DUS2: variants seen among roughly 807,000 people sequenced by gnomAD.
The protein encoded by DUS2 is dihydrouridine synthase 2.
Under a neutral mutation model 71.3 loss-of-function variants are expected in DUS2, and 52 were observed. The observed-to-expected ratio is 0.73, with a 90% CI of 0.58 to 0.92. The LOEUF is 0.92. DUS2 is among the 40% of genes least tolerant of loss of function. DUS2 has a pLI of 0.00. For missense variants in DUS2, 558 were observed against 622.6 expected, an observed-to-expected ratio of 0.90 and a Z score of 1.10; for synonymous variants, 204 against 227.8, an observed-to-expected ratio of 0.90 and a Z score of 0.94.
intron 2 of DUS2, among the ~76,000 whole-genome samples, chr16:68,030,448 G>T (rs2033420504): frequency 6.6e-6 from 1 of 152,020 alleles, no homozygotes; most frequent in South Asian, 2.1e-4. Flanking sequence ...ACAAAAATTG[G>T]CCGGGCATGG....
intron 8 of DUS2, among the ~76,000 whole-genome samples, chr16:68,063,250 A>G (rs1407069826): frequency 2.6e-5 from 4 of 152,214 alleles, no homozygotes; most frequent in Non-Finnish European, 5.9e-5. Context: ...GGCTTCCACA[A>G]CAAAGCCAGA....
chr16:68,070,721 A>G (rs1410670447), intron 11 of DUS2, among the ~76,000 whole-genome samples: 1 of 152,224 alleles, frequency 6.6e-6, no homozygotes, highest in East Asian at 1.9e-4. Flanking sequence ...TGGATTACCT[A>G]TTAAGTGCCA....
In DUS2 at chr16:68,032,621, C is replaced by T. The variant is rs118145535; in HGVS notation, c.-18-5385C>T. 7.8e-3 allele frequency among the ~76,000 whole-genome samples: 1,186 copies of T among 152,316 alleles called. 41 individuals carry two copies. The highest frequency in any genetic ancestry group is 0.062 in the Admixed American group (953 of 15,278). On this transcript the variant is annotated intron_variant, in intron 2 of 16. Coordinates refer to ENST00000565263, the MANE Select transcript of DUS2 (RefSeq NM_017803.5). ...AGTTGGAGGAGTATTCCAGACAGAA[C>T]TGCAAGTGGGCAGGCCCCAGGGAAG...
At chr16:68,023,913 C>G (rs2033299789) in intron 1 of DUS2, 1 of 167,274 alleles carries the variant, frequency 6.0e-6, no homozygotes, top group Admixed American at 6.5e-5. Flanking sequence ...ACCCCTCTTG[C>G]AGCCCGCTCA....
rs1178501824 is a variant in DUS2 at position 68,066,394 on chromosome 16, G to A, written c.483+12G>A. ...GCATCCTGCCATCGGTAAGGATGGT[G>A]TGTTACATATGAAGGTCCATTCTCT... On this transcript the variant is annotated intron_variant, in intron 9 of 16. Transcript: ENST00000565263. 6 of 1,612,642 alleles carry A rather than the reference G, an allele frequency of 3.7e-6. No homozygotes were observed. Among genetic ancestry groups the A allele is most frequent in the African/African-American group, 1.3e-5 (1 of 74,896 alleles).
At chr16:68,061,260 A>G in intron 8 of DUS2, 147 bp downstream of exon 8, 2 of 802,668 alleles carry the variant, frequency 2.5e-6, no homozygotes, top group Non-Finnish European at 4.0e-6. Context: ...AAAATTTTCC[A>G]GTGATTTTGA....
chr16:68,028,079 G>A (rs957129923), intron 2 of DUS2, among the ~76,000 whole-genome samples: 2 of 152,122 alleles, frequency 1.3e-5, no homozygotes, highest in African/African-American at 2.4e-5. Flanking sequence ...TCCAGAAATG[G>A]AACTATCATG....
At chr16:68,070,812 T>C in intron 11 of DUS2, 128 bp from the exon 12 acceptor site, 1 of 888,838 alleles carries the variant, frequency 1.1e-6, no homozygotes, top group Non-Finnish European at 1.8e-6. Flanking sequence ...TTACTGAAGC[T>C]CTGATAGCTG....
At chr16:68,078,423 AT>A in intron 15 of DUS2, 21 bp from the exon 16 acceptor site, 1 of 1,612,412 alleles carries the variant, frequency 6.2e-7, no homozygotes, top group Non-Finnish European at 8.5e-7. Flanking sequence ...TGGCCATGTG[AT>A]TCCTTTTCTC....
chr16:68,026,060 G>A (rs750309627), intron 2 of DUS2, among the ~76,000 whole-genome samples: 1 of 152,138 alleles, frequency 6.6e-6, no homozygotes, highest in Non-Finnish European at 1.5e-5. Flanking sequence ...GTGCCATCTC[G>A]ACTCACTGTA....
chr16:68,028,814 T>G (rs1252629779), intron 2 of DUS2, among the ~76,000 whole-genome samples: 1 of 152,132 alleles, frequency 6.6e-6, no homozygotes, highest in Non-Finnish European at 1.5e-5. Flanking sequence ...AAGGAGAAGC[T>G]GAGGCTCAGC....
chr16:68,061,211 TC>T, intron 8 of DUS2, 98 bp downstream of exon 8: 2 of 1,280,704 alleles, frequency 1.6e-6, no homozygotes, highest in Non-Finnish European at 2.2e-6. Flanking sequence ...TTTACTGATG[TC>T]CACCCAGTTT....
chr16:68,030,503 A>AT (rs1019526354), intron 2 of DUS2, among the ~76,000 whole-genome samples: 18 of 152,042 alleles, frequency 1.2e-4, no homozygotes, highest in African/African-American at 4.1e-4. Flanking sequence ...AGGCAGGAGA[A>AT]TTGCTCGAAC....
chr16:68,037,678 C>T (rs2033552614), intron 2 of DUS2, among the ~76,000 whole-genome samples: 1 of 152,008 alleles, frequency 6.6e-6, no homozygotes, highest in Admixed American at 6.6e-5. Context: ...CTCGGCCTCC[C>T]AAAGTGTTGG....
intron 3 of DUS2, among the ~76,000 whole-genome samples, chr16:68,048,777 A>G (rs911421633): frequency 2.0e-5 from 3 of 151,494 alleles, no homozygotes; most frequent in Admixed American, 2.0e-4. Context: ...TCTTTTCTGG[A>G]CCCCCAGAAT....
intron 2 of DUS2, among the ~76,000 whole-genome samples, chr16:68,029,432 C>T (rs2033405743): frequency 6.6e-6 from 1 of 151,862 alleles, no homozygotes; most frequent in South Asian, 2.1e-4. Context: ...TGAGCTACCA[C>T]ACCTGGTGTA....
chr16:68,035,391 C>CT lies in DUS2; in HGVS notation c.-18-2603dup, dbSNP rs202033773. 7.0e-3 allele frequency among the ~76,000 whole-genome samples: 1,022 copies of CT among 146,230 alleles called. 11 individuals carry two copies. The highest frequency in any genetic ancestry group is 0.023 in the African/African-American group (922 of 39,918). On this transcript the variant is annotated intron_variant, in intron 2 of 16. Coordinates refer to ENST00000565263, the MANE Select transcript of DUS2 (RefSeq NM_017803.5). Reference sequence around the variant, plus strand: ...ATTGTGTATCTGACTCTGTGTTTTCCTTTTTTTTTTTTCTTTTTCCTTGCT... The same window carrying CT: ...ATTGTGTATCTGACTCTGTGTTTTCCTTTTTTTTTTTTTCTTTTTCCTTGCT...
chr16:68,030,264 G>A (rs2033417722), intron 2 of DUS2, among the ~76,000 whole-genome samples: 1 of 152,030 alleles, frequency 6.6e-6, no homozygotes, highest in African/African-American at 2.4e-5. Context: ...ATGCTTACAT[G>A]TCTGAGATAA....
Position 68,034,938 on chromosome 16 carries a change from T to C in DUS2, c.-18-3068T>C, listed in dbSNP as rs181051627. Among the ~76,000 whole-genome samples, 946 of 152,168 alleles carry C rather than the reference T, an allele frequency of 6.2e-3. 2 individuals are homozygous for C. Among genetic ancestry groups the C allele is most frequent in the South Asian group, 0.025 (120 of 4,820 alleles). On this transcript the variant is annotated intron_variant, in intron 2 of 16. Transcript: ENST00000565263. ...ATTGCTTGAACCCGGGAGGCAGAGG[T>C]TGCAGTGAGCCAAGATTGCACCACT...
Sources: allele counts gnomAD v4.1 joint callset (sites outside exome capture counted in the v4.1 genomes callset), GRCh38; gene constraint gnomAD v4.1.1; transcripts MANE v1.5; gene names NCBI Gene and HGNC (gene_info 2026-07-23, HGNC 2026-07-21).